Variants in KLHL4 observed in about 807,000 individuals in gnomAD.
The protein encoded by KLHL4 is kelch like family member 4.
In KLHL4, 17 loss-of-function variants were observed where a neutral mutation model predicts 45.8. The ratio of observed to expected loss-of-function variants is 0.37; its 90% confidence interval spans 0.25 to 0.56. KLHL4 has a LOEUF of 0.56. KLHL4 is among the 20% of genes least tolerant of loss of function. KLHL4 has a pLI of 0.79. For synonymous variants in KLHL4, 224 were observed against 189.9 expected, an observed-to-expected ratio of 1.18 and a Z score of -1.47; for missense variants, 544 against 544.9, an observed-to-expected ratio of 1.00 and a Z score of 0.02.
chrX:87,630,877 G>A (rs1221174767), intron 6 of KLHL4, among the ~76,000 whole-genome samples: 1 of 111,725 alleles, frequency 9.0e-6, no homozygotes, highest in Admixed American at 9.5e-5. Context: ...TTGTCTCTTG[G>A]CCACAGAAAT....
At chrX:87,598,704 C>A (rs1921917483) in intron 1 of KLHL4, among the ~76,000 whole-genome samples, 1 of 111,498 alleles carries the variant, frequency 9.0e-6, no homozygotes, top group Non-Finnish European at 1.9e-5. Flanking sequence ...ACTGTTTAAA[C>A]TCTCAGCTTA....
chrX:87,640,219 A>T (rs1039697939), intron 9 of KLHL4, among the ~76,000 whole-genome samples: 1 of 111,589 alleles, frequency 9.0e-6, no homozygotes, highest in Non-Finnish European at 1.9e-5. Flanking sequence ...CAACAAAAAA[A>T]GTCTAGGTCC....
intron 1 of KLHL4, among the ~76,000 whole-genome samples, chrX:87,527,814 G>GAAAAAAAA (rs11354717): frequency 1.2e-5 from 1 of 83,050 alleles, no homozygotes; most frequent in Non-Finnish European, 2.5e-5. Context: ...CACAAAATTG[G>GAAAAAAAA]AAAAAAAAAA....
At chrX:87,564,321 C>T (rs1430808164) in intron 1 of KLHL4, among the ~76,000 whole-genome samples, 2 of 102,234 alleles carry the variant, frequency 2.0e-5, no homozygotes, top group Non-Finnish European at 3.9e-5. Flanking sequence ...TTTTTGCTTG[C>T]TTATTTTTTA....
chrX:87,521,383 C>T (rs1203214654), intron 1 of KLHL4, among the ~76,000 whole-genome samples: 1 of 111,472 alleles, frequency 9.0e-6, no homozygotes, highest in African/African-American at 3.3e-5. Context: ...ATTGAGCATT[C>T]ATTGTGTTCC....
chrX:87,554,626 A>T (rs1298415686), intron 1 of KLHL4, among the ~76,000 whole-genome samples: 2 of 107,051 alleles, frequency 1.9e-5, no homozygotes, highest in East Asian at 3.1e-4. Flanking sequence ...GGCTGAGACA[A>T]TGGGGTTTTC....
intron 1 of KLHL4, among the ~76,000 whole-genome samples, chrX:87,556,777 TGCC>T (rs201142100): frequency 1.4e-5 from 1 of 69,387 alleles, no homozygotes; most frequent in East Asian, 8.9e-4. Context: ...TGCTACCATG[TGCC>T]ATATCACATG....
At chrX:87,637,097 T>C (rs1314612670) in intron 9 of KLHL4, among the ~76,000 whole-genome samples, 1 of 110,719 alleles carries the variant, frequency 9.0e-6, no homozygotes, top group African/African-American at 3.3e-5. Flanking sequence ...CATACTTCAC[T>C]CCCCAGCCAC....
At chrX:87,616,860 C>A (rs1922573847) in intron 3 of KLHL4, among the ~76,000 whole-genome samples, 1 of 111,255 alleles carries the variant, frequency 9.0e-6, no homozygotes, top group South Asian at 3.8e-4. Flanking sequence ...ATGGGCTGGA[C>A]CCCTTTACAA....
intron 1 of KLHL4, among the ~76,000 whole-genome samples, chrX:87,573,548 G>A (rs901498184): frequency 2.7e-5 from 3 of 110,948 alleles, no homozygotes; most frequent in Non-Finnish European, 5.7e-5. Flanking sequence ...TGATGGGGGC[G>A]CATAAGTATA....
intron 3 of KLHL4, among the ~76,000 whole-genome samples, chrX:87,615,333 A>G (rs1010873684): frequency 1.8e-5 from 2 of 111,770 alleles, no homozygotes; most frequent in African/African-American, 3.2e-5. Context: ...ATAAAGCACT[A>G]TTAAGTTTGC....
intron 1 of KLHL4, among the ~76,000 whole-genome samples, chrX:87,542,868 A>C (rs1351370686): frequency 9.0e-6 from 1 of 111,520 alleles, no homozygotes; most frequent in African/African-American, 3.3e-5. Context: ...ATTTGGAAGG[A>C]GCCAGAGGCA....
chrX:87,526,594 T>C (rs1489709159), intron 1 of KLHL4, among the ~76,000 whole-genome samples: 1 of 111,820 alleles, frequency 8.9e-6, no homozygotes, highest in African/African-American at 3.2e-5. Context: ...TAATTTGAGA[T>C]TAAGCTTGAG....
intron 1 of KLHL4, among the ~76,000 whole-genome samples, chrX:87,580,928 T>C (rs1348692052): frequency 8.9e-6 from 1 of 111,811 alleles, no homozygotes; most frequent in Non-Finnish European, 1.9e-5. Context: ...CTCACATGTA[T>C]TCTATAGACA....
intron 1 of KLHL4, among the ~76,000 whole-genome samples, chrX:87,599,593 A>AT (rs1189654156): frequency 9.1e-6 from 1 of 110,483 alleles, no homozygotes; most frequent in African/African-American, 3.3e-5. Context: ...ATATAATCAA[A>AT]TTTACTTTAT....
At chrX:87,665,038 C>T (rs1569365649) in intron 10 of KLHL4, 103 bp downstream of exon 10, 2 of 497,769 alleles carry the variant, frequency 4.0e-6, no homozygotes, top group Non-Finnish European at 6.4e-6. Context: ...TAGGCCCTAA[C>T]AAGATCTTTT....
chrX:87,654,899 A>G (rs899041585), intron 9 of KLHL4, among the ~76,000 whole-genome samples: 2 of 111,554 alleles, frequency 1.8e-5, no homozygotes, highest in Admixed American at 9.6e-5. Context: ...ATGATTAGTA[A>G]TGTTGAGCAT....
chrX:87,622,897 T>C (rs1455800035), intron 5 of KLHL4, among the ~76,000 whole-genome samples: 5 of 111,840 alleles, frequency 4.5e-5, no homozygotes, highest in South Asian at 3.7e-4. Flanking sequence ...ATCCTCACCA[T>C]ATATGTTGAA....
At chrX:87,584,267 C>A (rs1921384923) in intron 1 of KLHL4, among the ~76,000 whole-genome samples, 1 of 111,748 alleles carries the variant, frequency 8.9e-6, no homozygotes, top group Non-Finnish European at 1.9e-5. Flanking sequence ...ACAATAAATA[C>A]TACAATAAAT....
Sources: allele counts gnomAD v4.1 joint callset (sites outside exome capture counted in the v4.1 genomes callset), GRCh38; gene constraint gnomAD v4.1.1; transcripts MANE v1.5; gene names NCBI Gene and HGNC (gene_info 2026-07-23, HGNC 2026-07-21).